The following DNAI3 variants were observed in gnomAD, a reference collection of about 807,000 sequenced individuals.
DNAI3 encodes the protein dynein axonemal intermediate chain 3.
In DNAI3, 83 loss-of-function variants were observed where a neutral mutation model predicts 115.5. The observed-to-expected ratio is 0.72, with a 90% confidence interval of 0.60 to 0.86. The LOEUF is 0.86. DNAI3 is among the 40% of genes least tolerant of loss of function. The probability of loss-of-function intolerance (pLI) is 0.00; values close to 1 mark genes in which losing one functional copy is unlikely to be tolerated. For synonymous variants in DNAI3, 320 were observed against 347.0 expected (o/e 0.92, Z 0.86); for missense variants, 1,004 against 1,075.8 (o/e 0.93, Z 0.93).
In DNAI3 at chr1:85,099,159, G is replaced by A. The variant is rs376657521; in HGVS notation, c.1479+501G>A. 6.0e-5 allele frequency: 47 copies of A among 785,958 alleles called. No individual in the cohort carries two copies. The South Asian group carries it at 2.1e-3, about 35-fold the overall frequency. 48.7% of individuals were successfully genotyped at this position (785,958 alleles called of 1,614,324 possible). The stretch of plus-strand genomic sequence containing the variant: ...TTCTGCACTGGTGTTTGTCTTTATG[G>A]TTGTACACTTACTTGACTATAACCT... On this transcript the variant is annotated intron_variant, in intron 13 of 22. Transcript: ENST00000294664.
At chr1:85,132,766 C>A in intron 22 of DNAI3, 89 bp from the exon 23 acceptor site, 1 of 1,496,738 alleles carries the variant, frequency 6.7e-7, no homozygotes, top group Non-Finnish European at 9.0e-7. Context: ...GCAGCCAGGT[C>A]AACTATTCAC....
chr1:85,079,727 C>T (rs1201236582), intron 3 of DNAI3, among the ~76,000 whole-genome samples: 4 of 152,084 alleles, frequency 2.6e-5, no homozygotes, highest in Non-Finnish European at 2.9e-5. Context: ...TGTCCTCTAG[C>T]GTCCACCCTC....
chr1:85,119,655 C>T (rs1439313844), intron 17 of DNAI3, among the ~76,000 whole-genome samples: 1 of 152,106 alleles, frequency 6.6e-6, no homozygotes, highest in Non-Finnish European at 1.5e-5. Flanking sequence ...CTTATCTGCA[C>T]CAACCTCCCT....
At chr1:85,076,981 G>A (rs1285892505) in intron 3 of DNAI3, among the ~76,000 whole-genome samples, 3 of 152,134 alleles carry the variant, frequency 2.0e-5, no homozygotes, top group Admixed American at 1.3e-4. Flanking sequence ...TGAAAAGCAA[G>A]ATAGACTATC....
chr1:85,109,967 G>C, intron 15 of DNAI3, 81 bp from the exon 16 acceptor site: 1 of 1,369,232 alleles, frequency 7.3e-7, no homozygotes, highest in Non-Finnish European at 1.0e-6. Context: ...TATGGGAGCA[G>C]AAGGGAAAGG....
intron 13 of DNAI3, 83 bp from the exon 14 acceptor site, chr1:85,104,441 T>C: frequency 8.0e-7 from 1 of 1,247,426 alleles, no homozygotes; most frequent in Non-Finnish European, 1.1e-6. Flanking sequence ...TTTATTAACA[T>C]TTAAAACAAA....
intron 16 of DNAI3, among the ~76,000 whole-genome samples, chr1:85,116,797 A>C (rs1478550130): frequency 2.0e-5 from 3 of 152,166 alleles, no homozygotes; most frequent in Non-Finnish European, 4.4e-5. Flanking sequence ...GTTCATTTTG[A>C]TACTCGTTTT....
chr1:85,081,491 G>A (rs555712101), intron 4 of DNAI3, 76 bp downstream of exon 4: 1 of 1,397,070 alleles, frequency 7.2e-7, no homozygotes, highest in East Asian at 2.6e-5. Flanking sequence ...AGTTGGAGAG[G>A]TTGTTGGTTC....
At chr1:85,113,849 G>A (rs754368589) in intron 16 of DNAI3, among the ~76,000 whole-genome samples, 15 of 151,966 alleles carry the variant, frequency 9.9e-5, no homozygotes, top group South Asian at 8.3e-4. Context: ...TATTTAGGTC[G>A]TTAATTTCTC....
chr1:85,083,367 G>A (rs1468471893), intron 5 of DNAI3, among the ~76,000 whole-genome samples: 2 of 152,022 alleles, frequency 1.3e-5, no homozygotes. Context: ...CGTGCCTGTA[G>A]TCCCAGCTAC....
intron 2 of DNAI3, among the ~76,000 whole-genome samples, chr1:85,072,692 AC>A (rs1483444661): frequency 2.0e-5 from 3 of 150,656 alleles, no homozygotes; most frequent in African/African-American, 7.3e-5. Flanking sequence ...ACAGTGGCTC[AC>A]GCCTGTAATC....
chr1:85,072,933 C>G (rs1405291729), intron 2 of DNAI3, 121 bp from the exon 3 acceptor site: 4 of 457,054 alleles, frequency 8.8e-6, no homozygotes, highest in Middle Eastern at 7.5e-4. Context: ...CCAGCCTGGG[C>G]GACAGAGCAA....
intron 1 of DNAI3, among the ~76,000 whole-genome samples, chr1:85,065,309 G>A (rs972882575): frequency 6.6e-6 from 1 of 152,112 alleles, no homozygotes; most frequent in Non-Finnish European, 1.5e-5. Flanking sequence ...TATCAACCTA[G>A]ATAGCAAGCA....
In DNAI3 at chr1:85,131,444, C is replaced by CAA. The variant is rs750127280; in HGVS notation, c.2532+1350_2532+1351dup. On this transcript the variant is annotated intron_variant, in intron 22 of 22. Transcript: ENST00000294664. The stretch of plus-strand genomic sequence containing the variant: ...GGGCAACAAGAGCGAAACTCCATCT[C>CAA]AAAAAAAAAAAAAAAAAAATAAAGC... 1.3e-3 allele frequency among the ~76,000 whole-genome samples: 22 copies of CAA among 16,766 alleles called. 1 individual carries two copies. The highest frequency in any genetic ancestry group is 4.2e-3 in the South Asian group (2 of 478). The allele number at this position is 16,766 out of a possible 152,430, so 11.0% of individuals were successfully genotyped here.
chr1:85,100,804 T>A (rs817486), intron 13 of DNAI3, among the ~76,000 whole-genome samples: 89,277 of 151,984 alleles, frequency 0.59, 26,569 homozygotes, highest in African/African-American at 0.67. Context: ...TAAAAAATGA[T>A]GAGTTCATGT....
chr1:85,107,945 A>C (rs1158733968), intron 14 of DNAI3, 88 bp from the exon 15 acceptor site: 2 of 941,026 alleles, frequency 2.1e-6, no homozygotes, highest in Non-Finnish European at 2.9e-6. Context: ...CCATGGTCAC[A>C]ATGCTAATAT....
chr1:85,066,017 C>A (rs997774815), intron 1 of DNAI3, among the ~76,000 whole-genome samples: 12 of 152,308 alleles, frequency 7.9e-5, no homozygotes, highest in Middle Eastern at 3.4e-3. Flanking sequence ...CCAATACACA[C>A]TTTTGTCAAC....
chr1:85,068,336 C>G (rs1224026845), intron 1 of DNAI3, among the ~76,000 whole-genome samples: 1 of 152,116 alleles, frequency 6.6e-6, no homozygotes, highest in Non-Finnish European at 1.5e-5. Flanking sequence ...CTTTCAATTT[C>G]TTAGGCAAAA....
chr1:85,089,960 A>G (rs1162467403), intron 7 of DNAI3, among the ~76,000 whole-genome samples, 156 bp from the exon 8 acceptor site: 1 of 152,118 alleles, frequency 6.6e-6, no homozygotes, highest in African/African-American at 2.4e-5. Flanking sequence ...GGTCAATATC[A>G]GTTGTCTAGG....
Sources: allele counts gnomAD v4.1 joint callset (sites outside exome capture counted in the v4.1 genomes callset), GRCh38; gene constraint gnomAD v4.1.1; transcripts MANE v1.5; gene names NCBI Gene and HGNC (gene_info 2026-07-23, HGNC 2026-07-21).